Variants in DGKG observed in about 807,000 individuals in gnomAD.
DGKG encodes the protein diacylglycerol kinase gamma.
DGKG carries 78 observed loss-of-function variants against 105.3 expected under a neutral mutation model. The ratio of observed to expected loss-of-function variants is 0.74; its 90% CI spans 0.62 to 0.89. The LOEUF (loss-of-function observed/expected upper bound fraction) is 0.89, where lower values mean the gene tolerates loss of function less well. Ranked by LOEUF, DGKG falls within the 40% of genes least tolerant of loss-of-function variation. The pLI, the probability that DGKG is intolerant of heterozygous loss-of-function variation, is 0.00. For missense variants in DGKG, 958 were observed against 1,020.1 expected (o/e 0.94, Z 0.83); for synonymous variants, 346 against 367.1 (o/e 0.94, Z 0.66).
At chr3:186,156,464 C>T (rs1186514710) in intron 24 of DGKG, among the ~76,000 whole-genome samples, 1 of 152,064 alleles carries the variant, frequency 6.6e-6, no homozygotes, top group East Asian at 1.9e-4. Context: ...ATTGATTTAT[C>T]TATCCATTAT....
Position 186,175,061 on chromosome 3 carries a change from T to C in DGKG, c.2096-10043A>G, listed in dbSNP as rs535803193. 4.6e-5 allele frequency among the ~76,000 whole-genome samples: 7 copies of C among 152,222 alleles called. No homozygotes were observed. The South Asian group carries it at 1.2e-3, about 27-fold the overall frequency. Reference sequence around the variant, plus strand: ...GTGGGCCCAGCGGGCAGGACTGGAATTGTGGTGTCTGTTCTGGCTCTGTCT... The same window carrying C: ...GTGGGCCCAGCGGGCAGGACTGGAACTGTGGTGTCTGTTCTGGCTCTGTCT... On this transcript the variant is annotated intron_variant, in intron 22 of 24. Transcript: ENST00000265022.
At chr3:186,323,184 C>T (rs1725163340) in intron 1 of DGKG, among the ~76,000 whole-genome samples, 1 of 152,182 alleles carries the variant, frequency 6.6e-6, no homozygotes. Flanking sequence ...ATCTTCTTTT[C>T]ATGATACACA....
At chr3:186,318,284 G>A (rs1344323772) in intron 2 of DGKG, among the ~76,000 whole-genome samples, 1 of 151,956 alleles carries the variant, frequency 6.6e-6, no homozygotes, top group Non-Finnish European at 1.5e-5. Context: ...ATCCAGCCCA[G>A]AAGCTCTCCT....
chr3:186,319,584 C>A (rs923155198), intron 2 of DGKG, among the ~76,000 whole-genome samples: 5 of 152,196 alleles, frequency 3.3e-5, no homozygotes, highest in African/African-American at 1.2e-4. Flanking sequence ...GCTGAGAGCT[C>A]TACAAGATGA....
At chr3:186,156,110 A>G (rs940699343) in intron 24 of DGKG, among the ~76,000 whole-genome samples, 1 of 152,092 alleles carries the variant, frequency 6.6e-6, no homozygotes, top group Non-Finnish European at 1.5e-5. Flanking sequence ...CGAAGATTCT[A>G]TATTGATTTT....
At chr3:186,255,765 A>G (rs766119150) in intron 17 of DGKG, among the ~76,000 whole-genome samples, 5 of 152,318 alleles carry the variant, frequency 3.3e-5, no homozygotes, top group Non-Finnish European at 7.4e-5. Context: ...ACATGCAGGA[A>G]AGATCGCTAT....
intron 20 of DGKG, among the ~76,000 whole-genome samples, chr3:186,221,015 A>T (rs922382996): frequency 6.6e-6 from 1 of 152,238 alleles, no homozygotes; most frequent in Non-Finnish European, 1.5e-5. Flanking sequence ...ACAAGGACAC[A>T]CGTGTGCACG....
At position 186,268,369 on chromosome 3, in the gene DGKG, A is replaced by G. The variant is rs1722155355; in HGVS notation, c.1116+432T>C. ...CTGTGGCTGGTGGCAGCAGGTCCAA[A>G]CCTTTGGCCCAGGCAGTGGGGCTGC... is the stretch of plus-strand genomic sequence containing the variant. On this transcript the variant is annotated intron_variant, in intron 12 of 24. Transcript: ENST00000265022. 2.0e-5 allele frequency among the ~76,000 whole-genome samples: 3 copies of G among 152,046 alleles called. No individual in the cohort carries two copies. The South Asian group carries it at 6.2e-4, about 32-fold the overall frequency.
intron 10 of DGKG, among the ~76,000 whole-genome samples, chr3:186,274,756 A>T (rs2108588988): frequency 6.6e-6 from 1 of 152,184 alleles, no homozygotes; most frequent in South Asian, 2.1e-4. Flanking sequence ...TATGGTATAT[A>T]TGTGCCACAT....
intron 21 of DGKG, 47 bp downstream of exon 21, chr3:186,211,748 G>A: frequency 2.9e-6 from 4 of 1,402,206 alleles, no homozygotes; most frequent in South Asian, 2.3e-5. Flanking sequence ...GACAGTCCAG[G>A]AGCAGAACCA....
At chr3:186,333,830 TGTG>T (rs1368995659) in intron 1 of DGKG, among the ~76,000 whole-genome samples, 1 of 152,088 alleles carries the variant, frequency 6.6e-6, no homozygotes, top group East Asian at 1.9e-4. Flanking sequence ...GCCTAGGTAT[TGTG>T]GTGATAGCGG....
At chr3:186,157,534 C>G (rs966696961) in intron 24 of DGKG, among the ~76,000 whole-genome samples, 1 of 152,082 alleles carries the variant, frequency 6.6e-6, no homozygotes, top group African/African-American at 2.4e-5. Context: ...CACCTAAATA[C>G]GTATTTCCTA....
chr3:186,352,890 C>T (rs578090267), intron 1 of DGKG, among the ~76,000 whole-genome samples: 1 of 151,472 alleles, frequency 6.6e-6, no homozygotes, highest in South Asian at 2.1e-4. Context: ...GTTCTCAGTG[C>T]CCCTCCCCTC....
chr3:186,326,377 T>C lies in DGKG; in HGVS notation c.-248-5670A>G, dbSNP rs543338054. Among the ~76,000 whole-genome samples, 644 of 150,854 alleles carry C rather than the reference T, an allele frequency of 4.3e-3. 10 individuals carry two copies. Among genetic ancestry groups the C allele is most frequent in the African/African-American group, 0.015 (602 of 40,602 alleles). On this transcript the variant is annotated intron_variant, in intron 1 of 24. Coordinates refer to ENST00000265022, the MANE Select transcript of DGKG (RefSeq NM_001346.3). ...TCCTGCCACTGCACTCCAGCCTGGG[T>C]GACAGAGTGAGACACTGTCTTAAAA... is the stretch of plus-strand genomic sequence containing the variant.
intron 19 of DGKG, among the ~76,000 whole-genome samples, chr3:186,247,216 AG>A (rs2079579142): frequency 6.6e-6 from 1 of 152,164 alleles, no homozygotes; most frequent in Admixed American, 6.5e-5. Flanking sequence ...GGGCTGTCGT[AG>A]CAATGAGGGC....
At position 186,306,215 on chromosome 3, in the gene DGKG, T is replaced by G. The variant is rs146361217; in HGVS notation, c.144+686A>C. ...GGAGGCAATGAGTATAGAGAAGTAT[T>G]TTGTACAGTTTCGCTGTAAAACACA... On this transcript the variant is annotated intron_variant, in intron 3 of 24. Transcript: ENST00000265022. Among the ~76,000 whole-genome samples, 1,356 of 152,248 alleles carry G rather than the reference T, an allele frequency of 8.9e-3. 11 individuals are homozygous for G. Among genetic ancestry groups the G allele is most frequent in the Non-Finnish European group, 0.014 (967 of 68,030 alleles).
chr3:186,195,595 T>C (rs1412099969), intron 21 of DGKG, among the ~76,000 whole-genome samples: 2 of 152,188 alleles, frequency 1.3e-5, no homozygotes, highest in African/African-American at 2.4e-5. Context: ...CAGGGTCTTA[T>C]TAAAATGCAG....
chr3:186,332,900 A>G (rs73885848), intron 1 of DGKG, among the ~76,000 whole-genome samples: 5,486 of 152,004 alleles, frequency 0.036, 332 homozygotes, highest in African/African-American at 0.12. Flanking sequence ...GTGGCTTTAT[A>G]AGAAGAGGAA....
chr3:186,345,058 T>C (rs1182112883), intron 1 of DGKG, among the ~76,000 whole-genome samples: 1 of 152,192 alleles, frequency 6.6e-6, no homozygotes, highest in Admixed American at 6.5e-5. Context: ...TTTCCATCAG[T>C]TTGGGGTGCA....
Sources: allele counts gnomAD v4.1 joint callset (sites outside exome capture counted in the v4.1 genomes callset), GRCh38; gene constraint gnomAD v4.1.1; transcripts MANE v1.5; gene names NCBI Gene and HGNC (gene_info 2026-07-23, HGNC 2026-07-21).